The following VPS13D variants were observed in gnomAD, a reference collection of about 807,000 sequenced individuals.
VPS13D encodes the protein intermembrane lipid transfer protein VPS13D.
VPS13D carries 187 observed loss-of-function variants against 461.9 expected under a neutral mutation model. The ratio of observed to expected loss-of-function variants is 0.40; its 90% CI spans 0.36 to 0.46. The LOEUF is 0.46. Ranked by LOEUF, VPS13D falls within the 20% of genes least tolerant of loss-of-function variation. The pLI is 0.60. For missense variants in VPS13D, 4,711 were observed against 5,364.9 expected, an observed-to-expected ratio of 0.88 and a Z score of 3.81; for synonymous variants, 1,951 against 1,986.3, an observed-to-expected ratio of 0.98 and a Z score of 0.47.
chr1:12,300,861 G>T (rs1423888723), intron 25 of VPS13D, among the ~76,000 whole-genome samples: 3 of 152,152 alleles, frequency 2.0e-5, no homozygotes, highest in Non-Finnish European at 1.5e-5. Context: ...CATTCTTGGT[G>T]TGTGTTTTCA....
intron 49 of VPS13D, among the ~76,000 whole-genome samples, chr1:12,357,063 A>G (rs1198553889): frequency 6.6e-6 from 1 of 152,242 alleles, no homozygotes; most frequent in Non-Finnish European, 1.5e-5. Context: ...ATTAGATGAC[A>G]TGTGCTTTTA....
At chr1:12,231,031 C>G (rs918478187) in intron 1 of VPS13D, among the ~76,000 whole-genome samples, 2 of 152,196 alleles carry the variant, frequency 1.3e-5, no homozygotes, top group Non-Finnish European at 2.9e-5. Flanking sequence ...CAGCCCTGGC[C>G]GCCTCGGGGA....
At chr1:12,487,590 G>A (rs1645814395) in intron 67 of VPS13D, among the ~76,000 whole-genome samples, 3 of 149,866 alleles carry the variant, frequency 2.0e-5, no homozygotes, top group African/African-American at 7.4e-5. Context: ...CAGCCTGGGC[G>A]ACAGAGCGAG....
intron 15 of VPS13D, among the ~76,000 whole-genome samples, chr1:12,268,472 G>T (rs1569746034): frequency 6.6e-6 from 1 of 152,084 alleles, no homozygotes; most frequent in East Asian, 1.9e-4. Context: ...AGGGTCTTCA[G>T]GTCCTTGGTT....
intron 68 of VPS13D, among the ~76,000 whole-genome samples, chr1:12,500,962 G>A (rs1420278263): frequency 2.0e-5 from 3 of 152,024 alleles, no homozygotes; most frequent in Middle Eastern, 6.8e-3. Flanking sequence ...GCTGAGGTGG[G>A]AGGATGGTTT....
chr1:12,483,969 G>C (rs1263348629), intron 67 of VPS13D, among the ~76,000 whole-genome samples: 2 of 150,876 alleles, frequency 1.3e-5, no homozygotes, highest in Non-Finnish European at 2.9e-5. Context: ...CTGCACTCCA[G>C]CTGGGCAACA....
At chr1:12,488,437 T>G (rs1407752197) in intron 67 of VPS13D, among the ~76,000 whole-genome samples, 1 of 152,196 alleles carries the variant, frequency 6.6e-6, no homozygotes, top group Non-Finnish European at 1.5e-5. Context: ...TCAGCCTGTG[T>G]TTGTCTTTTT....
rs1024635857 is a variant in VPS13D, at chr1:12,261,908, G to C, written c.1422G>C (p.Glu474Asp). 3.1e-6 allele frequency: 5 copies of C among 1,608,306 alleles called. No homozygotes were observed. Among genetic ancestry groups the C allele is most frequent in the Non-Finnish European group, 4.3e-6 (5 of 1,176,266 alleles). The change falls in exon 13 of 70, where the codon GAG becomes GAC. Residue 474 changes from glutamate to aspartate, a missense_variant. Glu to Asp is a conservative substitution (Grantham distance 45, BLOSUM62 2). Around this residue, in one of 3 missense-constraint regions of VPS13D, gnomAD observed 4,411 missense variants for 4,937.8 expected, o/e 0.89. Transcript: ENST00000620676. ...QWIPEEILGT[E>D]EFFDPTADAS... ...TTCTCCCTTACCATTTAGGCACTGA[G>C]GAGTTTTTTGACCCCACTGCAGATG...
rs149558117 is a variant in VPS13D, at chr1:12,342,975, G to A, written c.8809G>A (p.Val2937Ile). Residue 2937 changes from valine (V) to isoleucine (I), a missense_variant, in exon 42 of 70, where the codon GTT becomes ATT. Coordinates refer to ENST00000620676, the MANE Select transcript of VPS13D (RefSeq NM_015378.4). ...AACATTTCTCGATGATACTCACAAT[G>A]TTAGTGAATGGCGAGAAGTCCTTAC... ...NGTFLDDTHN[V>I]SEWREVLTGE... 21 of 1,613,884 alleles carry A rather than the reference G, an allele frequency of 1.3e-5. No individual in the cohort carries two copies. Among genetic ancestry groups the A allele is most frequent in the Admixed American group, 1.7e-5 (1 of 60,002 alleles).
chr1:12,294,483 A>G (rs968930728), intron 24 of VPS13D, among the ~76,000 whole-genome samples: 1 of 152,244 alleles, frequency 6.6e-6, no homozygotes, highest in Non-Finnish European at 1.5e-5. Context: ...TAGTTAGTGC[A>G]GTGTCTGGCA....
chr1:12,283,988 G>A (rs554252263), intron 21 of VPS13D, among the ~76,000 whole-genome samples: 36 of 152,276 alleles, frequency 2.4e-4, no homozygotes, highest in African/African-American at 8.2e-4. Context: ...ATAATTCAGT[G>A]GAGTTACTTT....
chr1:12,347,781 A>G (rs1569967720), intron 44 of VPS13D, among the ~76,000 whole-genome samples: 1 of 152,306 alleles, frequency 6.6e-6, no homozygotes, highest in Non-Finnish European at 1.5e-5. Flanking sequence ...TATGTTCTGG[A>G]CACTCATTCT....
chr1:12,358,443 C>T lies in VPS13D; in HGVS notation c.9999-16C>T, dbSNP rs753000133. The T allele has an allele frequency of 1.9e-6, 3 of 1,612,922 alleles. No homozygotes were observed. The highest frequency in any genetic ancestry group is 2.5e-6 in the Non-Finnish European group (3 of 1,179,600). On this transcript the variant is annotated splice_polypyrimidine_tract_variant and intron_variant, in intron 49 of 69. Coordinates refer to ENST00000620676, the MANE Select transcript of VPS13D (RefSeq NM_015378.4). Reference sequence around the variant, plus strand: ...TTGTGGATGAATATCTACATCTTTGCTTTTCTGCCCCACAGCTGCACGATG... The same window carrying T: ...TTGTGGATGAATATCTACATCTTTGTTTTTCTGCCCCACAGCTGCACGATG...
intron 16 of VPS13D, 140 bp from the exon 17 acceptor site, chr1:12,270,854 A>T: frequency 9.0e-7 from 1 of 1,108,634 alleles, no homozygotes; most frequent in Non-Finnish European, 1.3e-6. Context: ...TGCTGGGATT[A>T]CGAGTGTGAG....
At chr1:12,417,505 C>G (rs545360638) in intron 65 of VPS13D, among the ~76,000 whole-genome samples, 22 of 152,214 alleles carry the variant, frequency 1.4e-4, no homozygotes, top group Non-Finnish European at 3.2e-4. Flanking sequence ...TCTCAACACA[C>G]TTTTCTTGTA....
chr1:12,336,076 C>G (rs961826562), intron 39 of VPS13D: 7 of 430,232 alleles, frequency 1.6e-5, no homozygotes, highest in Middle Eastern at 6.9e-4. Flanking sequence ...ATTCCTAAAT[C>G]CTGGTAATAA....
rs1349577923 is a variant in VPS13D at position 12,473,980 on chromosome 1, GCAGGTGA to G, written c.12662+13586_12662+13592del. On this transcript the variant is annotated intron_variant, in intron 67 of 69. Transcript: ENST00000620676. This position sits in a 1 kb window ranked among gnomAD's most constrained non-coding sequence, Gnocchi z 4.2. Reference sequence around the variant, plus strand: ...CTTGCTCTGAACCCACTTGTGAAGAGCAGGTGACCCCAAACTATTGTTAGTGTCTGCT... The same window carrying G: ...CTTGCTCTGAACCCACTTGTGAAGAGCCCCAAACTATTGTTAGTGTCTGCT... Among the ~76,000 whole-genome samples the G allele has an allele frequency of 6.6e-6, 1 of 152,204 alleles. No individual in the cohort carries two copies. Among genetic ancestry groups the G allele is most frequent in the East Asian group, 1.9e-4 (1 of 5,194 alleles).
At chr1:12,253,976 T>G in intron 7 of VPS13D, 150 bp downstream of exon 7, 1 of 633,566 alleles carries the variant, frequency 1.6e-6, no homozygotes, top group Non-Finnish European at 2.8e-6. Context: ...GTGTGTTTGC[T>G]TGAGGTACTT....
In VPS13D at chr1:12,311,912, G is replaced by A. The variant is rs778506731; in HGVS notation, c.6922G>A (p.Gly2308Arg). The A allele has an allele frequency of 6.2e-7, 1 of 1,613,704 alleles. No individual in the cohort carries two copies. Among genetic ancestry groups the A allele is most frequent in the African/African-American group, 1.3e-5 (1 of 74,906 alleles). Reference sequence around the variant, plus strand: ...AGATCCAAAAAGAAAAGAAGGTGCTGGGTCCCTAGCCAGGTATGCCTTTGA... The same window carrying A: ...AGATCCAAAAAGAAAAGAAGGTGCTAGGTCCCTAGCCAGGTATGCCTTTGA... ...LKDPKRKEGA[G>R]SLARFDFKKC... Residue 2308 changes from glycine (G) to arginine (R), a missense_variant, in exon 29 of 70, where the codon GGG becomes AGG. Coordinates refer to ENST00000620676, the MANE Select transcript of VPS13D (RefSeq NM_015378.4).
Sources: gnomAD v4.1 joint callset for allele counts (sites outside exome capture counted in the v4.1 genomes callset) on GRCh38, gnomAD v4.1.1 for gene constraint, gnomAD v4.1.1 regional missense constraint, Gnocchi (gnomAD v3.1) non-coding constraint, MANE v1.5 for transcripts, NCBI Gene and HGNC (gene_info 2026-07-23, HGNC 2026-07-21) for gene names.